NCK2: variants seen among roughly 807,000 people sequenced by gnomAD.
The protein encoded by NCK2 is cytoplasmic protein NCK2.
Under a neutral mutation model 33.9 loss-of-function variants are expected in NCK2, and 16 were observed. The ratio of observed to expected loss-of-function variants is 0.47; its 90% confidence interval spans 0.32 to 0.72. The LOEUF is 0.72. Among genes scored for constraint, NCK2 ranks in the 30% least tolerant of loss-of-function variants. The pLI is 0.03. For missense variants in NCK2, 418 were observed against 537.3 expected, an observed-to-expected ratio of 0.78 and a Z score of 2.19; for synonymous variants, 273 against 239.9, an observed-to-expected ratio of 1.14 and a Z score of -1.27.
chr2:105,744,876 G>GCCA, upstream of NCK2: 1 of 160,628 alleles, frequency 6.2e-6, no homozygotes. Context: ...CGCCGCCGCC[G>GCCA]CCGCCGCCGC....
In NCK2 at chr2:105,783,310, T is replaced by C. The variant is rs1690562301; in HGVS notation, c.-200-33120T>C. Among the ~76,000 whole-genome samples, 3 of 152,202 alleles carry C rather than the reference T, an allele frequency of 2.0e-5. No homozygotes were observed. The South Asian group carries it at 6.2e-4, about 32-fold the overall frequency. ...GGGTGGGCCCCCATCGCCCTCCTCC[T>C]TTGGGGAGCCTCTAAGAGTCACTAG... On this transcript the variant is annotated intron_variant, in intron 1 of 4. Transcript: ENST00000233154.
intron 1 of NCK2, among the ~76,000 whole-genome samples, chr2:105,754,045 C>T (rs980261075): frequency 2.0e-5 from 3 of 152,198 alleles, no homozygotes; most frequent in East Asian, 1.9e-4. Context: ...GAGTGTTGAG[C>T]AGCCCTCCCT....
At chr2:105,883,190 T>C (rs1408239012) in intron 4 of NCK2, among the ~76,000 whole-genome samples, 1 of 152,204 alleles carries the variant, frequency 6.6e-6, no homozygotes, top group Non-Finnish European at 1.5e-5. Flanking sequence ...ATCTGAACTC[T>C]GAGATTTATC....
chr2:105,787,694 G>T (rs1558836996), intron 1 of NCK2, among the ~76,000 whole-genome samples: 1 of 152,146 alleles, frequency 6.6e-6, no homozygotes, highest in South Asian at 2.1e-4. Context: ...GGGTGTCAGG[G>T]TGCACTGGTG....
intron 2 of NCK2, among the ~76,000 whole-genome samples, chr2:105,831,410 C>CTTTTTT (rs56247904): frequency 1.4e-5 from 2 of 144,846 alleles, no homozygotes; most frequent in Non-Finnish European, 1.5e-5. Flanking sequence ...AGCATGATAT[C>CTTTTTT]TTTTTTTTTT....
chr2:105,792,886 A>T (rs1449251124), intron 1 of NCK2, among the ~76,000 whole-genome samples: 1 of 151,816 alleles, frequency 6.6e-6, no homozygotes, highest in African/African-American at 2.4e-5. Context: ...TGATTCAGTC[A>T]CTCCTTCTGC....
intron 2 of NCK2, among the ~76,000 whole-genome samples, chr2:105,829,205 T>A (rs1346254425): frequency 6.6e-6 from 1 of 152,132 alleles, no homozygotes; most frequent in Middle Eastern, 3.2e-3. Flanking sequence ...GGCATAATAA[T>A]AAGACAAATG....
At chr2:105,882,918 A>G (rs1678567436) in intron 4 of NCK2, among the ~76,000 whole-genome samples, 1 of 152,180 alleles carries the variant, frequency 6.6e-6, no homozygotes, top group African/African-American at 2.4e-5. Context: ...ACGCTATAAG[A>G]CTAGTAAGTA....
chr2:105,875,004 C>A (rs1156407038), intron 3 of NCK2, among the ~76,000 whole-genome samples: 1 of 152,238 alleles, frequency 6.6e-6, no homozygotes, highest in East Asian at 1.9e-4. Flanking sequence ...TGTCTGCTCA[C>A]TGAGTGACAA....
chr2:105,787,617 C>T (rs1435897226), intron 1 of NCK2, among the ~76,000 whole-genome samples: 1 of 152,132 alleles, frequency 6.6e-6, no homozygotes, highest in Non-Finnish European at 1.5e-5. Context: ...TTTGTTAGGG[C>T]TGCCTGAGCT....
At chr2:105,767,900 C>G (rs974135338) in intron 1 of NCK2, among the ~76,000 whole-genome samples, 5 of 152,188 alleles carry the variant, frequency 3.3e-5, no homozygotes, top group Non-Finnish European at 7.3e-5. Context: ...CCTTCCCTCT[C>G]TATTACTCAC....
chr2:105,763,821 G>T (rs1014975962), intron 1 of NCK2, among the ~76,000 whole-genome samples: 7 of 152,200 alleles, frequency 4.6e-5, no homozygotes, highest in Admixed American at 2.0e-4. Flanking sequence ...AAAATAATTT[G>T]GAAGAAGAAT....
At chr2:105,765,811 G>C (rs1689920605) in intron 1 of NCK2, among the ~76,000 whole-genome samples, 2 of 151,564 alleles carry the variant, frequency 1.3e-5, no homozygotes, top group Non-Finnish European at 2.9e-5. Flanking sequence ...GTGTGTGTGT[G>C]TGTGTCTGTG....
At chr2:105,779,823 T>G (rs1213412728) in intron 1 of NCK2, among the ~76,000 whole-genome samples, 2 of 152,326 alleles carry the variant, frequency 1.3e-5, no homozygotes, top group Non-Finnish European at 2.9e-5. Flanking sequence ...CCTCACGTTC[T>G]GTATGATGGA....
intron 3 of NCK2, among the ~76,000 whole-genome samples, chr2:105,861,785 G>A (rs1677543897): frequency 6.6e-6 from 1 of 152,078 alleles, no homozygotes. Flanking sequence ...AAAGTCCTGG[G>A]ATTATAGGCA....
At chr2:105,750,487 G>A (rs1689424600) in intron 1 of NCK2, among the ~76,000 whole-genome samples, 1 of 152,192 alleles carries the variant, frequency 6.6e-6, no homozygotes, top group Admixed American at 6.5e-5. Flanking sequence ...ATGCTTTTAG[G>A]AAGACCTGGT....
At chr2:105,759,039 A>G (rs931649831) in intron 1 of NCK2, among the ~76,000 whole-genome samples, 2 of 152,160 alleles carry the variant, frequency 1.3e-5, no homozygotes, top group African/African-American at 2.4e-5. Flanking sequence ...TTAATTAGTG[A>G]TAGACTATAA....
At position 105,893,484 on chromosome 2, in the gene NCK2, C is replaced by T. The variant is rs369533398; in HGVS notation, c.*308C>T. 29 of 307,062 alleles carry T rather than the reference C, an allele frequency of 9.4e-5. No homozygotes were observed. The South Asian group carries it at 1.1e-3, about 11-fold the overall frequency. 19.0% of individuals were successfully genotyped at this position (307,062 alleles called of 1,614,324 possible). A position where few individuals can be genotyped will look rare whatever the true frequency, so the allele number is the denominator to read the frequency against. On this transcript the variant is annotated 3_prime_UTR_variant, in exon 5 of 5. Coordinates refer to ENST00000233154, the MANE Select transcript of NCK2 (RefSeq NM_003581.5). Reference sequence around the variant, plus strand: ...CTCATGGAACCCCTCTTTAAAAAGACGCAGGGCACCTGTGAGCGCAGGAGC... The same window carrying T: ...CTCATGGAACCCCTCTTTAAAAAGATGCAGGGCACCTGTGAGCGCAGGAGC...
rs559153968 is a variant in NCK2 at position 105,807,207 on chromosome 2, G to T, written c.-200-9223G>T. 2.0e-5 allele frequency among the ~76,000 whole-genome samples: 3 copies of T among 152,334 alleles called. No individual in the cohort carries two copies. In the South Asian group the frequency reaches 6.2e-4, roughly 32 times the overall value. Reference sequence around the variant, plus strand: ...CCCTGACCGGAACAGCTCACTCTGGGTGTTACTGTCCTGTGACGCACCTGC... The same window carrying T: ...CCCTGACCGGAACAGCTCACTCTGGTTGTTACTGTCCTGTGACGCACCTGC... On this transcript the variant is annotated intron_variant, in intron 1 of 4. Coordinates refer to ENST00000233154, the MANE Select transcript of NCK2 (RefSeq NM_003581.5).
Sources: gnomAD v4.1 joint callset for allele counts (sites outside exome capture counted in the v4.1 genomes callset) on GRCh38, gnomAD v4.1.1 for gene constraint, MANE v1.5 for transcripts, NCBI Gene and HGNC (gene_info 2026-07-23, HGNC 2026-07-21) for gene names.